ASB2: variants seen among roughly 807,000 people sequenced by gnomAD.
The protein encoded by ASB2 is ankyrin repeat and SOCS box protein 2.
Under a neutral mutation model 62.4 loss-of-function variants are expected in ASB2, and 58 were observed. The ratio of observed to expected loss-of-function variants is 0.93; its 90% CI spans 0.75 to 1.16. The LOEUF is 1.16. Among genes scored for constraint, ASB2 ranks in the 50% most tolerant of loss-of-function variants. ASB2 has a pLI of 0.00. For missense variants in ASB2, 928 were observed against 887.9 expected (o/e 1.05, Z -0.57); for synonymous variants, 386 against 385.3 (o/e 1.00, Z -0.02).
intron 7 of ASB2, chr14:93,941,629 T>C (rs952150494): frequency 6.6e-6 from 3 of 455,978 alleles, no homozygotes; most frequent in African/African-American, 6.0e-5. Context: ...TCACCCTGGA[T>C]GGCGGCCACG....
chr14:93,954,285 A>T (rs1301440214), intron 4 of ASB2, 32 bp downstream of exon 4: 3 of 1,594,560 alleles, frequency 1.9e-6, no homozygotes, highest in Non-Finnish European at 1.7e-6. Context: ...TCCCTTTCCC[A>T]CCTCTTGCCA....
chr14:93,957,453 G>A (rs1332888923), intron 2 of ASB2: 3 of 957,426 alleles, frequency 3.1e-6, no homozygotes, highest in Non-Finnish European at 3.7e-6. Context: ...CATGAGGAAG[G>A]GCGTCGGAAC....
chr14:93,949,079 G>T (rs1173014207), intron 6 of ASB2, among the ~76,000 whole-genome samples: 4 of 152,206 alleles, frequency 2.6e-5, no homozygotes. Context: ...GGGGAGAACT[G>T]ATGTGCACAC....
intron 7 of ASB2, among the ~76,000 whole-genome samples, chr14:93,947,109 C>T (rs1198614285): frequency 1.3e-5 from 2 of 152,226 alleles, no homozygotes; most frequent in Non-Finnish European, 2.9e-5. Flanking sequence ...TACTGGTAAG[C>T]GCTGCATAAG....
chr14:93,946,609 C>T (rs942881584), intron 7 of ASB2, among the ~76,000 whole-genome samples: 9 of 152,238 alleles, frequency 5.9e-5, no homozygotes, highest in African/African-American at 2.2e-4. Flanking sequence ...ACACCTCTGC[C>T]TCTAGCCCCG....
At chr14:93,948,040 G>A (rs1450098015) in intron 6 of ASB2, among the ~76,000 whole-genome samples, 2 of 142,212 alleles carry the variant, frequency 1.4e-5, no homozygotes, top group South Asian at 2.4e-4. Flanking sequence ...CTGCCAGCCC[G>A]AACAGAGGCC....
chr14:93,952,316 G>T (rs1889000013), intron 5 of ASB2, among the ~76,000 whole-genome samples: 2 of 152,218 alleles, frequency 1.3e-5, no homozygotes, highest in African/African-American at 2.4e-5. Flanking sequence ...AGCTTCCTGG[G>T]CACTCCCTTT....
At chr14:93,955,061 C>T in intron 3 of ASB2, 1 of 456,798 alleles carries the variant, frequency 2.2e-6, no homozygotes, top group South Asian at 1.5e-5. Flanking sequence ...TCCCTTTGTT[C>T]ATTCATTGCT....
At chr14:93,935,348 G>A (rs918474929) in intron 9 of ASB2, among the ~76,000 whole-genome samples, 2 of 152,248 alleles carry the variant, frequency 1.3e-5, no homozygotes, top group Non-Finnish European at 2.9e-5. Context: ...CTGAGCTGGG[G>A]AGTGGGTAGA....
intron 5 of ASB2, 52 bp downstream of exon 5, chr14:93,953,300 C>T: frequency 6.8e-7 from 1 of 1,475,476 alleles, no homozygotes; most frequent in Non-Finnish European, 9.1e-7. Context: ...TGTTGCTCAC[C>T]CAGCTTCTGG....
rs1225767815 is a variant in ASB2, at chr14:93,975,517, C to A, written c.-74+917G>T. On this transcript the variant is annotated intron_variant, in intron 1 of 9. Coordinates refer to ENST00000555019, the MANE Select transcript of ASB2 (RefSeq NM_001202429.2). ...GGAGTGTAGGTGCCTGGCTGTGTCC[C>A]TTCATATCCCAGATGCTCAATGCAT... Among the ~76,000 whole-genome samples, 7 of 152,200 alleles carry A rather than the reference C, an allele frequency of 4.6e-5. No homozygotes were observed. In the East Asian group the frequency reaches 1.3e-3, roughly 29 times the overall value.
rs1049239819 is a variant in ASB2 at position 93,939,443 on chromosome 14, C to T, written c.1282G>A (p.Glu428Lys). 21 of 1,612,542 alleles carry T rather than the reference C, an allele frequency of 1.3e-5. No individual in the cohort carries two copies. Among genetic ancestry groups the T allele is most frequent in the Non-Finnish European group, 1.5e-5 (18 of 1,179,818 alleles). ...TCGGCGCCGTGTTGCAGCAGCAGCT[C>T]GGTGGCGTACACGTTGTTGTTGACC... ...AVVNNNVYAT[E>K]LLLQHGADPN... is the part of the protein sequence containing the mutation. Residue 428 changes from glutamate (E) to lysine (K), a missense_variant, in exon 8 of 10, where the codon GAG becomes AAG. By Grantham distance (56) the Glu-to-Lys change is moderately conservative. Transcript: ENST00000555019.
intron 1 of ASB2, among the ~76,000 whole-genome samples, chr14:93,974,828 C>G (rs533225582): frequency 6.6e-6 from 1 of 152,328 alleles, no homozygotes; most frequent in East Asian, 1.9e-4. Context: ...AAGCTTGGGC[C>G]AGTGCTCAAC....
intron 2 of ASB2, among the ~76,000 whole-genome samples, chr14:93,962,665 G>T (rs1270947863): frequency 2.0e-5 from 3 of 152,198 alleles, no homozygotes; most frequent in African/African-American, 4.8e-5. Flanking sequence ...GGGTCTGGAT[G>T]CCGAGGGCCC....
At position 93,956,812 on chromosome 14, in the gene ASB2, C is replaced by T. The variant is rs560633028; in HGVS notation, c.265G>A (p.Val89Ile). The change falls in exon 3 of 10, where the codon GTC becomes ATC. Residue 89 changes from valine to isoleucine, a missense_variant. Val to Ile is a conservative substitution (Grantham distance 29). Transcript: ENST00000555019. The stretch of plus-strand genomic sequence containing the variant: ...AAGCTGCTGCTGTATTTCTGCATGA[C>T]CCCTTGGAACAAGCCCATTGGGGCC... ...ARAPMGLFQGVMQKYSSSLFK... is the reference protein window; with the variant it reads ...ARAPMGLFQGIMQKYSSSLFK... 92 of 1,614,196 alleles carry T rather than the reference C, an allele frequency of 5.7e-5. 1 individual carries two copies. The South Asian group carries it at 8.7e-4, about 15-fold the overall frequency.
chr14:93,956,982 G>A (rs1178127406), intron 2 of ASB2, 112 bp from the exon 3 acceptor site: 2 of 1,545,702 alleles, frequency 1.3e-6, no homozygotes, highest in East Asian at 2.5e-5. Flanking sequence ...GAGACTGACT[G>A]ACAGACACAG....
rs570744164 is a variant in ASB2, at chr14:93,953,677, T to G, written c.479-170A>C. On this transcript the variant is annotated intron_variant, in intron 4 of 9. Transcript: ENST00000555019. ...CTTTCACAGGGCCATTTTAGCTTCC[T>G]GGTCGTACACGTCCAAGCTCAGATG... 3.1e-4 allele frequency among the ~76,000 whole-genome samples: 47 copies of G among 152,366 alleles called. No homozygotes were observed. In the South Asian group the frequency reaches 9.3e-3, roughly 30 times the overall value.
At chr14:93,974,792 G>A (rs903973935) in intron 1 of ASB2, among the ~76,000 whole-genome samples, 5 of 152,212 alleles carry the variant, frequency 3.3e-5, no homozygotes, top group South Asian at 2.1e-4. Flanking sequence ...AGCCTTGACC[G>A]AAGTCAGTGA....
In ASB2 at chr14:93,934,247, C is replaced by A; in HGVS notation, c.*409G>T. On this transcript the variant is annotated 3_prime_UTR_variant, in exon 10 of 10. Coordinates refer to ENST00000555019, the MANE Select transcript of ASB2 (RefSeq NM_001202429.2). ...TCCCCCTACCCCCTACCTTGGGCCA[C>A]GTCTTCATCTTAGTCTTTGGAGAGA... 1 of 457,384 alleles carries A rather than the reference C, an allele frequency of 2.2e-6. No individual in the cohort carries two copies. The highest frequency in any genetic ancestry group is 4.4e-6 in the Non-Finnish European group (1 of 228,410). 28.3% of individuals were successfully genotyped at this position (457,384 alleles called of 1,614,324 possible).
Sources: allele counts gnomAD v4.1 joint callset (sites outside exome capture counted in the v4.1 genomes callset), GRCh38; gene constraint gnomAD v4.1.1; transcripts MANE v1.5; gene names NCBI Gene and HGNC (gene_info 2026-07-23, HGNC 2026-07-21).